Variants in WDR7 observed in about 807,000 individuals in gnomAD.
WDR7 encodes WD repeat domain 7, also known as WD repeat-containing protein 7.
In WDR7, 46 loss-of-function variants were observed where a neutral mutation model predicts 169.4. That is an observed-to-expected ratio of 0.27 (90% confidence interval 0.21 to 0.35). The LOEUF is 0.35. Among genes scored for constraint, WDR7 ranks in the 10% least tolerant of loss-of-function variants. WDR7 has a pLI of 1.00. For missense variants in WDR7, 1,534 were observed against 1,859.3 expected, an observed-to-expected ratio of 0.83 and a Z score of 3.22; for synonymous variants, 612 against 666.8, an observed-to-expected ratio of 0.92 and a Z score of 1.27.
At chr18:56,702,694 C>G (rs1476669492) in intron 12 of WDR7, among the ~76,000 whole-genome samples, 1 of 152,220 alleles carries the variant, frequency 6.6e-6, no homozygotes, top group Non-Finnish European at 1.5e-5. Context: ...ATCCATACTG[C>G]ATATTTTTGG....
intron 25 of WDR7, among the ~76,000 whole-genome samples, chr18:56,958,427 G>T (rs1319164014): frequency 1.3e-5 from 2 of 152,006 alleles, no homozygotes; most frequent in African/African-American, 2.4e-5. Context: ...AAATTTGTGT[G>T]TGCTAATATA....
intron 20 of WDR7, among the ~76,000 whole-genome samples, chr18:56,825,662 G>GA (rs1178187620): frequency 6.6e-6 from 1 of 151,978 alleles, no homozygotes; most frequent in African/African-American, 2.4e-5. Flanking sequence ...CCTTACAAGA[G>GA]AAAAAAGAAA....
At chr18:56,947,996 G>A (rs2047130171) in intron 25 of WDR7, among the ~76,000 whole-genome samples, 1 of 152,116 alleles carries the variant, frequency 6.6e-6, no homozygotes, top group African/African-American at 2.4e-5. Flanking sequence ...TTATGATCTT[G>A]AGGTCTGGTA....
chr18:56,754,749 C>T (rs1252064248), intron 14 of WDR7, among the ~76,000 whole-genome samples: 3 of 152,180 alleles, frequency 2.0e-5, no homozygotes, highest in Non-Finnish European at 4.4e-5. Context: ...ATATTCGATA[C>T]AGTTTCACTG....
intron 21 of WDR7, among the ~76,000 whole-genome samples, chr18:56,898,628 A>C (rs1180044532): frequency 6.6e-6 from 1 of 152,124 alleles, no homozygotes; most frequent in African/African-American, 2.4e-5. Flanking sequence ...TCTTGAGAAA[A>C]CATCCCAACT....
chr18:56,911,096 G>C (rs1029683911), intron 21 of WDR7, among the ~76,000 whole-genome samples: 4 of 152,144 alleles, frequency 2.6e-5, no homozygotes, highest in Non-Finnish European at 5.9e-5. Context: ...TTCTGAGCGT[G>C]GGCTTGCTGC....
At chr18:56,663,806 G>T in intron 1 of WDR7, among the ~76,000 whole-genome samples, 1 of 151,968 alleles carries the variant, frequency 6.6e-6, no homozygotes, top group East Asian at 1.9e-4. Flanking sequence ...ATAAAAATTT[G>T]GGAGGAATCA....
intron 12 of WDR7, among the ~76,000 whole-genome samples, chr18:56,700,111 A>G (rs1427237217): frequency 1.3e-5 from 2 of 152,114 alleles, no homozygotes; most frequent in Non-Finnish European, 2.9e-5. Context: ...TACTTAAAAA[A>G]TTTTGCATAT....
At chr18:56,927,708 T>A (rs1324045520) in intron 22 of WDR7, among the ~76,000 whole-genome samples, 1 of 152,240 alleles carries the variant, frequency 6.6e-6, no homozygotes, top group Non-Finnish European at 1.5e-5. Flanking sequence ...TATCTACAGT[T>A]GTTTTCTAAT....
chr18:56,854,999 C>A (rs2045697294), intron 20 of WDR7, among the ~76,000 whole-genome samples: 1 of 152,114 alleles, frequency 6.6e-6, no homozygotes, highest in Non-Finnish European at 1.5e-5. Context: ...ACTGGAATTG[C>A]TGTGTCTTGG....
chr18:56,907,487 C>T (rs2046495182), intron 21 of WDR7, among the ~76,000 whole-genome samples: 1 of 152,130 alleles, frequency 6.6e-6, no homozygotes, highest in South Asian at 2.1e-4. Context: ...CCATAATAAC[C>T]TCTTTGAGGT....
chr18:56,892,927 A>C (rs2046283640), intron 21 of WDR7, among the ~76,000 whole-genome samples: 1 of 152,112 alleles, frequency 6.6e-6, no homozygotes, highest in Non-Finnish European at 1.5e-5. Context: ...AAAAATTATA[A>C]AGCTGTTATA....
chr18:56,984,284 A>G (rs1169393657), intron 26 of WDR7, among the ~76,000 whole-genome samples: 1 of 152,202 alleles, frequency 6.6e-6, no homozygotes, highest in African/African-American at 2.4e-5. Context: ...ATAAATTTTT[A>G]CTGAAATGTA....
At chr18:56,707,939 A>G (rs2025996584) in intron 12 of WDR7, among the ~76,000 whole-genome samples, 1 of 151,976 alleles carries the variant, frequency 6.6e-6, no homozygotes, top group East Asian at 1.9e-4. Context: ...AAAAATGAGG[A>G]CAGTATCTGT....
At chr18:56,946,760 C>T (rs551986164) in intron 25 of WDR7, among the ~76,000 whole-genome samples, 3 of 152,026 alleles carry the variant, frequency 2.0e-5, no homozygotes, top group African/African-American at 7.2e-5. Flanking sequence ...ATTTCAAAAG[C>T]CATGAAAGTA....
intron 12 of WDR7, among the ~76,000 whole-genome samples, chr18:56,701,973 G>A (rs889297118): frequency 2.0e-5 from 3 of 152,178 alleles, no homozygotes; most frequent in Non-Finnish European, 2.9e-5. Flanking sequence ...ACAACACAGC[G>A]TGGTTAGAGA....
chr18:56,778,610 T>C (rs1011705470), intron 17 of WDR7, among the ~76,000 whole-genome samples: 16 of 152,186 alleles, frequency 1.1e-4, no homozygotes, highest in Admixed American at 6.6e-5. Flanking sequence ...TTCACATACC[T>C]TTAAAATGGC....
intron 1 of WDR7, among the ~76,000 whole-genome samples, chr18:56,652,189 A>G (rs964581592): frequency 6.6e-6 from 1 of 152,068 alleles, no homozygotes; most frequent in African/African-American, 2.4e-5. Context: ...TATGTTTTTT[A>G]CCCACTTAGT....
intron 21 of WDR7, among the ~76,000 whole-genome samples, chr18:56,890,113 C>T (rs979802621): frequency 2.0e-5 from 3 of 152,206 alleles, no homozygotes; most frequent in East Asian, 1.9e-4. Flanking sequence ...GGATAAGAAC[C>T]ACTGCAGGAG....
Sources: gnomAD v4.1 joint callset for allele counts (sites outside exome capture counted in the v4.1 genomes callset) on GRCh38, gnomAD v4.1.1 for gene constraint, MANE v1.5 for transcripts, NCBI Gene and HGNC (gene_info 2026-07-23, HGNC 2026-07-21) for gene names.